IMPG2: variants seen among roughly 807,000 people sequenced by gnomAD.
IMPG2 encodes the protein interphotoreceptor matrix proteoglycan 2, also known as IPM 200.
In IMPG2, 91 loss-of-function variants were observed where a neutral mutation model predicts 129.2. That is an observed-to-expected ratio of 0.70 (90% CI 0.59 to 0.84). The LOEUF (loss-of-function observed/expected upper bound fraction) is 0.84. Ranked by LOEUF, IMPG2 falls within the 40% of genes least tolerant of loss-of-function variation. The probability of loss-of-function intolerance (pLI) is 0.00; values close to 1 mark genes in which losing one functional copy is unlikely to be tolerated. For synonymous variants in IMPG2, 510 were observed against 517.7 expected, an observed-to-expected ratio of 0.99 and a Z score of 0.20; for missense variants, 1,430 against 1,461.7, an observed-to-expected ratio of 0.98 and a Z score of 0.35.
chr3:101,269,581 A>T lies in IMPG2; in HGVS notation c.829-8T>A. ...AGTAAATGCATTTTCAACCTGTTAA[A>T]AGTACAAATAAAAATGATAACTATG... On this transcript the variant is annotated splice_region_variant and splice_polypyrimidine_tract_variant and intron_variant, in intron 7 of 18. Coordinates refer to ENST00000193391, the MANE Select transcript of IMPG2 (RefSeq NM_016247.4). The T allele has an allele frequency of 6.6e-7, 1 of 1,521,510 alleles. No individual in the cohort carries two copies. Among genetic ancestry groups the T allele is most frequent in the Non-Finnish European group, 9.1e-7 (1 of 1,096,410 alleles). 94.3% of individuals were successfully genotyped at this position (1,521,510 alleles called of 1,614,324 possible).
chr3:101,271,429 T>C (rs925260955), intron 7 of IMPG2, among the ~76,000 whole-genome samples: 5 of 152,248 alleles, frequency 3.3e-5, no homozygotes, highest in African/African-American at 7.2e-5. Flanking sequence ...GACTTCAACA[T>C]TGATATTAAT....
intron 7 of IMPG2, among the ~76,000 whole-genome samples, chr3:101,269,926 C>CTTTTTTTTTTTT (rs5851267): frequency 9.3e-6 from 1 of 106,980 alleles, no homozygotes; most frequent in Non-Finnish European, 1.9e-5. Flanking sequence ...TTATTTTATT[C>CTTTTTTTTTTTT]TTTTTTTTTT....
At chr3:101,308,695 T>C (rs1008719070) in intron 2 of IMPG2, among the ~76,000 whole-genome samples, 2 of 152,268 alleles carry the variant, frequency 1.3e-5, no homozygotes, top group East Asian at 1.9e-4. Context: ...GTCTTGGTGA[T>C]TAACATTTGG....
intron 4 of IMPG2, among the ~76,000 whole-genome samples, chr3:101,290,357 A>G (rs1706994329): frequency 1.3e-5 from 2 of 152,020 alleles, no homozygotes; most frequent in African/African-American, 4.8e-5. Context: ...AAAATACAAA[A>G]AAGTTAGCTG....
chr3:101,295,617 G>A (rs991453756), intron 3 of IMPG2, among the ~76,000 whole-genome samples: 3 of 152,086 alleles, frequency 2.0e-5, no homozygotes, highest in African/African-American at 7.2e-5. Context: ...TAGTTTGATG[G>A]GAAGAGCATT....
At chr3:101,240,398 T>C (rs1262294087) in intron 14 of IMPG2, among the ~76,000 whole-genome samples, 2 of 152,192 alleles carry the variant, frequency 1.3e-5, no homozygotes. Flanking sequence ...GGATTACAAG[T>C]GTGAGTCACA....
intron 1 of IMPG2, 21 bp downstream of exon 1, chr3:101,320,266 AC>A: frequency 7.4e-7 from 1 of 1,354,966 alleles, no homozygotes; most frequent in Non-Finnish European, 1.1e-6. Flanking sequence ...AAAGATAAAA[AC>A]AAATGTAGAT....
At chr3:101,280,446 T>A (rs1706880391) in intron 4 of IMPG2, among the ~76,000 whole-genome samples, 1 of 152,160 alleles carries the variant, frequency 6.6e-6, no homozygotes, top group South Asian at 2.1e-4. Flanking sequence ...GGGAAATACC[T>A]TAGTTGCTCT....
chr3:101,272,101 A>ACG (rs1220227405), intron 7 of IMPG2, among the ~76,000 whole-genome samples: 1 of 2,110 alleles, frequency 4.7e-4, no homozygotes, highest in Non-Finnish European at 2.2e-3. Flanking sequence ...TTACACACGC[A>ACG]CACACACACA....
chr3:101,259,400 T>C (rs1706645571), intron 9 of IMPG2, among the ~76,000 whole-genome samples: 1 of 152,086 alleles, frequency 6.6e-6, no homozygotes, highest in South Asian at 2.1e-4. Flanking sequence ...TTTAAAATAA[T>C]GTGCTTCTTC....
intron 9 of IMPG2, among the ~76,000 whole-genome samples, chr3:101,262,801 AC>A (rs1324337671): frequency 6.6e-6 from 1 of 151,244 alleles, no homozygotes; most frequent in Admixed American, 6.6e-5. Flanking sequence ...TATGCTGCCT[AC>A]AAGAAACTTA....
intron 4 of IMPG2, among the ~76,000 whole-genome samples, chr3:101,283,659 C>G (rs1706916750): frequency 6.6e-6 from 1 of 152,016 alleles, no homozygotes; most frequent in African/African-American, 2.4e-5. Context: ...GGAAATAAAT[C>G]AATTTATATA....
chr3:101,244,727 G>A lies in IMPG2; in HGVS notation c.1604C>T (p.Ser535Leu), dbSNP rs773283880. The A allele has an allele frequency of 9.3e-6, 15 of 1,613,844 alleles. No homozygotes were observed. Among genetic ancestry groups the A allele is most frequent in the Non-Finnish European group, 1.1e-5 (13 of 1,179,926 alleles). The change falls in exon 13 of 19, where the codon TCA (serine) becomes TTA (leucine). Residue 535 changes from serine (S) to leucine (L), a missense_variant. Physicochemically the swap from Ser to Leu is moderately radical, Grantham distance 145 (BLOSUM62 -2). Transcript: ENST00000193391. ...FLSIDSLPSS[S>L]FTQPVPKETI... is the part of the protein sequence containing the mutation. Reference sequence around the variant, plus strand: ...TTCTTTTGGCACAGGTTGAGTGAATGAACTTGAAGGCAATGAATCAATAGA... The same window carrying A: ...TTCTTTTGGCACAGGTTGAGTGAATAAACTTGAAGGCAATGAATCAATAGA...
rs183203416 is a variant in IMPG2 at position 101,302,213 on chromosome 3, C to T, written c.501+1933G>A. Among the ~76,000 whole-genome samples the T allele has an allele frequency of 1.4e-4, 22 of 152,238 alleles. No individual in the cohort carries two copies. In the East Asian group the frequency reaches 3.3e-3, roughly 23 times the overall value. On this transcript the variant is annotated intron_variant, in intron 3 of 18. Coordinates refer to ENST00000193391, the MANE Select transcript of IMPG2 (RefSeq NM_016247.4). Reference sequence around the variant, plus strand: ...ATTATTGGAAGTATATTTTCTATGCCTTCAAATATAAATTTACTAAAAGTT... The same window carrying T: ...ATTATTGGAAGTATATTTTCTATGCTTTCAAATATAAATTTACTAAAAGTT...
In IMPG2 at chr3:101,224,734, T is replaced by C. The variant is rs1196192896; in HGVS notation, c.*2235A>G. 3 of 152,268 alleles carry C rather than the reference T, an allele frequency of 2.0e-5. No homozygotes were observed. The highest frequency in any genetic ancestry group is 4.4e-5 in the Non-Finnish European group (3 of 68,042). 9.4% of individuals were successfully genotyped at this position (152,268 alleles called of 1,614,324 possible). A position where few individuals can be genotyped will look rare whatever the true frequency, so the allele number is the denominator to read the frequency against. On this transcript the variant is annotated 3_prime_UTR_variant, in exon 19 of 19. Coordinates refer to ENST00000193391, the MANE Select transcript of IMPG2 (RefSeq NM_016247.4). ...CAGGACAAAAGTTGTATTCCTCAAC[T>C]GAGGCCTCCTGTTCTTTCCCTGATA...
Position 101,278,264 on chromosome 3 carries a change from A to G in IMPG2, c.534-1551T>C, listed in dbSNP as rs974576650. On this transcript the variant is annotated intron_variant, in intron 4 of 18. Transcript: ENST00000193391. ...TAAATAAATAAATAAAAACTCTTCA[A>G]TGCTACCAAGTCAACTTCCTAAAGT... Among the ~76,000 whole-genome samples, 11 of 152,250 alleles carry G rather than the reference A, an allele frequency of 7.2e-5. No homozygotes were observed. In the East Asian group the frequency reaches 2.1e-3, roughly 29 times the overall value.
At position 101,243,570 on chromosome 3, in the gene IMPG2, A is replaced by G. The variant is rs1232182280; in HGVS notation, c.2761T>C (p.Ser921Pro). The G allele has an allele frequency of 1.9e-6, 3 of 1,613,712 alleles. No homozygotes were observed. Among genetic ancestry groups the G allele is most frequent in the Non-Finnish European group, 2.5e-6 (3 of 1,179,920 alleles). Reference sequence around the variant, plus strand: ...TGCTCCAGGGCTTTATACTCCAAGGAGTTTTTATTAAACAGATCTTCTGAA... The same window carrying G: ...TGCTCCAGGGCTTTATACTCCAAGGGGTTTTTATTAAACAGATCTTCTGAA... ...MFSEDLFNKN[S>P]LEYKALEQRF... The change falls in exon 13 of 19, where the codon TCC becomes CCC. Residue 921 changes from serine to proline, a missense_variant. Transcript: ENST00000193391.
At chr3:101,273,867 C>A in intron 6 of IMPG2, 125 bp from the exon 7 acceptor site, 1 of 974,352 alleles carries the variant, frequency 1.0e-6, no homozygotes, top group Non-Finnish European at 1.6e-6. Context: ...CTTATTATTT[C>A]GTATTTGACT....
intron 2 of IMPG2, among the ~76,000 whole-genome samples, chr3:101,313,211 T>C (rs553405698): frequency 1.3e-5 from 2 of 152,174 alleles, no homozygotes; most frequent in East Asian, 1.9e-4. Context: ...TTCAACTAAC[T>C]AACTTGGAAT....
Sources: gnomAD v4.1 joint callset for allele counts (sites outside exome capture counted in the v4.1 genomes callset) on GRCh38, gnomAD v4.1.1 for gene constraint, MANE v1.5 for transcripts, NCBI Gene and HGNC (gene_info 2026-07-23, HGNC 2026-07-21) for gene names.